Variants in SMAGP observed in about 807,000 individuals in gnomAD.
SMAGP encodes the protein small cell transmembrane and glycosylated protein.
In SMAGP, 7 loss-of-function variants were observed where a neutral mutation model predicts 10.1. The observed-to-expected ratio is 0.70, with a 90% CI of 0.40 to 1.31. The LOEUF is 1.31. SMAGP is among the 50% of genes most tolerant of loss of function. The probability of loss-of-function intolerance (pLI) is 0.01; values close to 1 mark genes in which losing one functional copy is unlikely to be tolerated. For synonymous variants in SMAGP, 49 were observed against 47.2 expected (o/e 1.04, Z -0.16); for missense variants, 113 against 116.5 (o/e 0.97, Z 0.14).
At chr12:51,261,245 G>A (rs1359550404) in intron 2 of SMAGP, among the ~76,000 whole-genome samples, 2 of 151,366 alleles carry the variant, frequency 1.3e-5, no homozygotes, top group African/African-American at 4.9e-5. Flanking sequence ...ACAGGCACCC[G>A]CCACTATGCC....
At chr12:51,253,741 A>C (rs1351858963) in intron 2 of SMAGP, 1 of 152,256 alleles carries the variant, frequency 6.6e-6, no homozygotes, top group Non-Finnish European at 1.5e-5. Flanking sequence ...CCCCGTCTCT[A>C]CTAAAAATAC....
chr12:51,269,840 C>T (rs913512096), intron 1 of SMAGP: 3 of 152,404 alleles, frequency 2.0e-5, no homozygotes, highest in Admixed American at 2.0e-4. Context: ...GCCTCGGACG[C>T]TGGGACGCCG....
At chr12:51,256,127 G>C (rs1160345800) in intron 2 of SMAGP, among the ~76,000 whole-genome samples, 1 of 152,156 alleles carries the variant, frequency 6.6e-6, no homozygotes, top group African/African-American at 2.4e-5. Flanking sequence ...CAGTGAGAAA[G>C]TGGTGAGATT....
At position 51,248,220 on chromosome 12, in the gene SMAGP, G is replaced by A. The variant is rs139906157; in HGVS notation, c.35-1389C>T. Among the ~76,000 whole-genome samples the A allele has an allele frequency of 6.6e-4, 100 of 152,202 alleles. 1 individual carries two copies. The highest frequency in any genetic ancestry group is 3.4e-3 in the Middle Eastern group (1 of 294). ...AGAGTGTTGAAGGGTCTTTCCACGC[G>A]GGCCCAGGGGAGCCTGATGAACCAT... On this transcript the variant is annotated intron_variant, in intron 2 of 3. Coordinates refer to ENST00000603798, the MANE Select transcript of SMAGP (RefSeq NM_001031628.2).
At chr12:51,252,683 G>GCCCCCCC (rs1353120777) in intron 2 of SMAGP, among the ~76,000 whole-genome samples, 7 of 149,840 alleles carry the variant, frequency 4.7e-5, no homozygotes, top group East Asian at 2.3e-4. Context: ...GAGCCACATC[G>GCCCCCCC]CCCCCCGAAG....
chr12:51,269,332 C>A lies in SMAGP; in HGVS notation c.-38-16G>T. On this transcript the variant is annotated splice_polypyrimidine_tract_variant and intron_variant, in intron 1 of 3. Transcript: ENST00000603798. Reference sequence around the variant, plus strand: ...AGAGGCAGATCTGTAGGAAGAGGGGCAAAGACAGGAATGTAGCGGGTGGGC... The same window carrying A: ...AGAGGCAGATCTGTAGGAAGAGGGGAAAAGACAGGAATGTAGCGGGTGGGC... 6.2e-7 allele frequency: 1 copy of A among 1,607,182 alleles called. No individual in the cohort carries two copies. The highest frequency in any genetic ancestry group is 1.1e-5 in the South Asian group (1 of 90,926).
At chr12:51,251,731 T>C (rs1413089956) in intron 2 of SMAGP, 1 of 152,218 alleles carries the variant, frequency 6.6e-6, no homozygotes, top group Non-Finnish European at 1.5e-5. Context: ...GTCAGTGTAA[T>C]GCAGAAGTCA....
intron 1 of SMAGP, chr12:51,270,046 C>T (rs1234179750): frequency 2.0e-5 from 3 of 151,752 alleles, no homozygotes; most frequent in Non-Finnish European, 2.9e-5. Context: ...CCGCCCCGAG[C>T]CCCCCGCGTT....
Position 51,267,145 on chromosome 12 carries a change from G to A in SMAGP, c.34+2100C>T, listed in dbSNP as rs189614443. Among the ~76,000 whole-genome samples the A allele has an allele frequency of 2.0e-5, 3 of 152,152 alleles. No homozygotes were observed. In the East Asian group the frequency reaches 5.8e-4, roughly 29 times the overall value. ...ATAATAATAATAAAATTTAAAAAAT[G>A]TAAACAGCTCCCCCTTGCCAAGGTT... On this transcript the variant is annotated intron_variant, in intron 2 of 3. Coordinates refer to ENST00000603798, the MANE Select transcript of SMAGP (RefSeq NM_001031628.2).
At chr12:51,248,426 ACACACACACTCTCT>A (rs1416120395) in intron 2 of SMAGP, among the ~76,000 whole-genome samples, 110 of 112,294 alleles carry the variant, frequency 9.8e-4, no homozygotes, top group East Asian at 7.6e-3. Context: ...ACACACACAC[ACACACACACTCTCT>A]CTCTCTCTCT....
chr12:51,260,992 T>C (rs1476425111), intron 2 of SMAGP, among the ~76,000 whole-genome samples: 1 of 151,778 alleles, frequency 6.6e-6, no homozygotes, highest in Admixed American at 6.6e-5. Flanking sequence ...GGTTTCACCA[T>C]GTTGGTCAGG....
At position 51,259,001 on chromosome 12, in the gene SMAGP, A is replaced by C. The variant is rs867244855; in HGVS notation, c.34+10244T>G. 3.9e-3 allele frequency among the ~76,000 whole-genome samples: 588 copies of C among 148,910 alleles called. 7 individuals carry two copies. Among genetic ancestry groups the C allele is most frequent in the African/African-American group, 0.014 (540 of 39,514 alleles). On this transcript the variant is annotated intron_variant, in intron 2 of 3. Coordinates refer to ENST00000603798, the MANE Select transcript of SMAGP (RefSeq NM_001031628.2). ...GTCTCTACCAAAAAAAAAAAAAAAAAAAAAAAAAAACCTGATAGTTGAACC... is the reference window on the plus strand; with the variant it reads ...GTCTCTACCAAAAAAAAAAAAAAAACAAAAAAAAAACCTGATAGTTGAACC...
chr12:51,248,454 T>A (rs1343056165), intron 2 of SMAGP, among the ~76,000 whole-genome samples: 47 of 150,138 alleles, frequency 3.1e-4, no homozygotes, highest in African/African-American at 1.1e-3. Flanking sequence ...TCTCTCTCTC[T>A]CTCTCTCTCT....
chr12:51,269,375 C>T lies in SMAGP; in HGVS notation c.-38-59G>A. The T allele has an allele frequency of 7.9e-6, 11 of 1,399,248 alleles. No homozygotes were observed. The South Asian group carries it at 1.3e-4, about 16-fold the overall frequency. The allele number at this position is 1,399,248 out of a possible 1,614,324, so 86.7% of individuals were successfully genotyped here. Reference sequence around the variant, plus strand: ...GGGTGGGCCCCTATGGCTTTGAGTCCTGGAAGTCCCAGGAAAGCCTCTGGT... The same window carrying T: ...GGGTGGGCCCCTATGGCTTTGAGTCTTGGAAGTCCCAGGAAAGCCTCTGGT... On this transcript the variant is annotated intron_variant, in intron 1 of 3. Transcript: ENST00000603798.
intron 2 of SMAGP, among the ~76,000 whole-genome samples, chr12:51,266,644 TA>T (rs1944977537): frequency 6.6e-6 from 1 of 152,272 alleles, no homozygotes; most frequent in Admixed American, 6.5e-5. Context: ...AGCTTTATCA[TA>T]AGTATGTATG....
intron 2 of SMAGP, among the ~76,000 whole-genome samples, chr12:51,252,250 C>T (rs908864737): frequency 1.3e-5 from 2 of 151,478 alleles, no homozygotes; most frequent in Non-Finnish European, 2.9e-5. Context: ...CATGTCACCA[C>T]GCCCGGCTAA....
At chr12:51,250,328 G>A (rs539017931) in intron 2 of SMAGP, among the ~76,000 whole-genome samples, 1 of 152,022 alleles carries the variant, frequency 6.6e-6, no homozygotes, top group Non-Finnish European at 1.5e-5. Context: ...CCTGCAATGA[G>A]CCAGCACTGC....
chr12:51,265,304 T>C (rs10783428), intron 2 of SMAGP, among the ~76,000 whole-genome samples: 100,966 of 152,124 alleles, frequency 0.66, 37,574 homozygotes, highest in Non-Finnish European at 0.85. Context: ...CAAACCTATA[T>C]GGTGGATCCT....
At chr12:51,247,361 T>A (rs148280240) in intron 2 of SMAGP, among the ~76,000 whole-genome samples, 5 of 152,354 alleles carry the variant, frequency 3.3e-5, no homozygotes, top group African/African-American at 1.2e-4. Flanking sequence ...TATTTTAACA[T>A]AATGAAATAG....
Sources: allele counts gnomAD v4.1 joint callset (sites outside exome capture counted in the v4.1 genomes callset), GRCh38; gene constraint gnomAD v4.1.1; transcripts MANE v1.5; gene names NCBI Gene and HGNC (gene_info 2026-07-23, HGNC 2026-07-21).